The following TMC4 variants were observed in gnomAD, a reference collection of about 807,000 sequenced individuals.
The protein encoded by TMC4 is voltage-gated chloride channel TMC4.
TMC4 carries 70 observed loss-of-function variants against 82.0 expected under a neutral mutation model. The ratio of observed to expected loss-of-function variants is 0.85; its 90% confidence interval spans 0.70 to 1.04. The LOEUF (loss-of-function observed/expected upper bound fraction) is 1.04, where lower values mean the gene tolerates loss of function less well. Among genes scored for constraint, TMC4 ranks in the 50% least tolerant of loss-of-function variants. TMC4 has a pLI of 0.00. For synonymous variants in TMC4, 446 were observed against 406.0 expected (o/e 1.10, Z -1.18); for missense variants, 879 against 899.0 (o/e 0.98, Z 0.28).
chr19:54,162,101 CCTT>C lies in TMC4; in HGVS notation c.1684_1686del (p.Lys562del). On this transcript the variant is annotated inframe_deletion and splice_region_variant, in exon 11 of 15. Coordinates refer to ENST00000619895, the MANE Select transcript of TMC4 (RefSeq NM_144686.4). The stretch of plus-strand genomic sequence containing the variant: ...ACCCAAGGGTCCCCCCTACCCCTTA[CCTT>C]CTTCAGGTAGAAAAGCAGCAGGAAC... 6.2e-7 allele frequency: 1 copy of C among 1,610,508 alleles called. No homozygotes were observed. Among genetic ancestry groups the C allele is most frequent in the Non-Finnish European group, 8.5e-7 (1 of 1,178,222 alleles).
chr19:54,168,793 C>CTTTTCTTTTT lies in TMC4; in HGVS notation c.443-114_443-113insAAAAAGAAAA, dbSNP rs1555824719. Reference sequence around the variant, plus strand: ...TTCCTTTCTTTCTTTCTTTTCTTTTCTTTCTTTTCTTTTCTTTTCTTTTCT... The same window carrying CTTTTCTTTTT: ...TTCCTTTCTTTCTTTCTTTTCTTTTCTTTTCTTTTTTTTCTTTTCTTTTCTTTTCTTTTCT... On this transcript the variant is annotated intron_variant, in intron 3 of 14. Transcript: ENST00000619895. 2 of 90,926 alleles carry CTTTTCTTTTT rather than the reference C, an allele frequency of 2.2e-5. 1 individual carries two copies. Among genetic ancestry groups the CTTTTCTTTTT allele is most frequent in the African/African-American group, 3.7e-4 (2 of 5,360 alleles). The allele number at this position is 90,926 out of a possible 1,614,324, so 5.6% of individuals were successfully genotyped here. A position where few individuals can be genotyped will look rare whatever the true frequency, so the allele number is the denominator to read the frequency against.
Position 54,162,656 on chromosome 19 carries a change from A to G in TMC4, c.1502+17T>C, listed in dbSNP as rs771202076. ...GTCCTAGAGGGGCGGGGCCACAGCAAGGGGCGGGGCTCTCACTTTCTAGGA... is the reference window on the plus strand; with the variant it reads ...GTCCTAGAGGGGCGGGGCCACAGCAGGGGGCGGGGCTCTCACTTTCTAGGA... On this transcript the variant is annotated intron_variant, in intron 10 of 14. Coordinates refer to ENST00000619895, the MANE Select transcript of TMC4 (RefSeq NM_144686.4). 14 of 1,606,352 alleles carry G rather than the reference A, an allele frequency of 8.7e-6. No homozygotes were observed. Among genetic ancestry groups the G allele is most frequent in the Middle Eastern group, 1.8e-4 (1 of 5,654 alleles).
intron 6 of TMC4, 149 bp downstream of exon 6, chr19:54,165,270 C>T: frequency 1.0e-6 from 1 of 961,974 alleles, no homozygotes. Flanking sequence ...TCCTCTCAAC[C>T]TTCTCATTCC....
intron 6 of TMC4, 43 bp downstream of exon 6, chr19:54,165,376 G>T: frequency 6.4e-7 from 1 of 1,557,000 alleles, no homozygotes. Flanking sequence ...GCCCGGTCCT[G>T]TCTGGTCCCT....
chr19:54,164,714 TC>T, intron 6 of TMC4, 113 bp from the exon 7 acceptor site: 1 of 1,390,914 alleles, frequency 7.2e-7, no homozygotes, highest in Non-Finnish European at 9.8e-7. Flanking sequence ...TGCAGCCGTC[TC>T]CCCACCCGCT....
intron 2 of TMC4, 44 bp downstream of exon 2, chr19:54,171,825 GC>G: frequency 4.6e-6 from 7 of 1,511,368 alleles, no homozygotes; most frequent in Non-Finnish European, 4.4e-6. Flanking sequence ...TGGGAGAAGG[GC>G]CCGGTCCGGG....
chr19:54,168,797 CTTTTCTTTTCTTTTCT>C lies in TMC4; in HGVS notation c.443-133_443-118del, dbSNP rs2075777860. 8.7e-5 allele frequency: 4 copies of C among 45,986 alleles called. 2 individuals carry two copies. The African/African-American group carries it at 1.3e-3, about 15-fold the overall frequency. The allele number at this position is 45,986 out of a possible 1,614,324, so 2.8% of individuals were successfully genotyped here. On this transcript the variant is annotated intron_variant, in intron 3 of 14. Coordinates refer to ENST00000619895, the MANE Select transcript of TMC4 (RefSeq NM_144686.4). ...TTTCTTTCTTTCTTTTCTTTTCTTT[CTTTTCTTTTCTTTTCT>C]TTTCTTTTCTTTTCTTTTCTTTTCT...
Position 54,161,226 on chromosome 19 carries a change from C to A in TMC4, c.1721G>T (p.Arg574Leu). 6.4e-7 allele frequency: 1 copy of A among 1,571,164 alleles called. No homozygotes were observed. Among genetic ancestry groups the A allele is most frequent in the South Asian group, 1.2e-5 (1 of 85,110 alleles). Residue 574 changes from arginine (R) to leucine (L), a missense_variant, in exon 12 of 15, where the codon CGC (arginine) becomes CTC (leucine). Physicochemically the swap from Arg to Leu is moderately radical, Grantham distance 102. Coordinates refer to ENST00000619895, the MANE Select transcript of TMC4 (RefSeq NM_144686.4). ...ATTCGCCGCGGAGGCCCGGAAGGTG[C>A]GGGCAGCCGGGGAGCAGGTGGAGAA... ...TLFSTCSPAA[R>L]TFRASAANFF...
chr19:54,165,136 A>G (rs74388372), intron 6 of TMC4, among the ~76,000 whole-genome samples: 2,722 of 146,074 alleles, frequency 0.019, 81 homozygotes, highest in African/African-American at 0.066. Flanking sequence ...TCGAACTCCT[A>G]GACTGAAGCG....
In TMC4 at chr19:54,172,091, G is replaced by A. The variant is rs1478862356; in HGVS notation, c.80-8C>T. 4 of 1,550,418 alleles carry A rather than the reference G, an allele frequency of 2.6e-6. No homozygotes were observed. In the Admixed American group the frequency reaches 5.7e-5, roughly 22 times the overall value. Reference sequence around the variant, plus strand: ...CAGAAGACAGCGATGGGCCTGGGGAGGAGCAGGGGGCTGGGAAGACCCGGG... The same window carrying A: ...CAGAAGACAGCGATGGGCCTGGGGAAGAGCAGGGGGCTGGGAAGACCCGGG... On this transcript the variant is annotated splice_polypyrimidine_tract_variant and splice_region_variant and intron_variant, in intron 1 of 14. Transcript: ENST00000619895.
chr19:54,169,399 T>G (rs971761330), intron 3 of TMC4, 113 bp downstream of exon 3: 1 of 1,395,022 alleles, frequency 7.2e-7, no homozygotes, highest in Non-Finnish European at 9.5e-7. Context: ...GACCCAAAAA[T>G]CCAGGCCCAA....
rs760113087 is a variant in TMC4, at chr19:54,173,100, G to T, written c.18C>A (p.Thr6=). 1.3e-6 allele frequency: 2 copies of T among 1,580,992 alleles called. No individual in the cohort carries two copies. The highest frequency in any genetic ancestry group is 2.3e-5 in the East Asian group (1 of 43,438). ...AGGAGCCCCAGGCTTCTGATTCCAA[G>T]GTCGGGTTTTCTTCCATGGCCCCAG... MEENP[T]LESEAWGSSR... The change falls in exon 1 of 15, where the codon ACC becomes ACA. Residue 6 remains threonine, a synonymous_variant. Transcript: ENST00000619895.
rs867453701 is a variant in TMC4 at position 54,168,592 on chromosome 19, G to A, written c.531C>T (p.Cys177=). 1.9e-6 allele frequency: 3 copies of A among 1,593,816 alleles called. No homozygotes were observed. Among genetic ancestry groups the A allele is most frequent in the South Asian group, 2.3e-5 (2 of 87,748 alleles). The change falls in exon 4 of 15, where the codon TGC becomes TGT. Residue 177 remains cysteine (C), a synonymous_variant. Coordinates refer to ENST00000619895, the MANE Select transcript of TMC4 (RefSeq NM_144686.4). ...CCAACCAGGTGGGCAGCAGCGTCAT[G>A]CAGGCCATGAGCACAGAGGCCAGCA... ...LNVLASVLMA[C]MTLLPTWLGG... is the part of the protein sequence containing the mutation.
chr19:54,172,821 C>A lies in TMC4; in HGVS notation c.79+218G>T, dbSNP rs762784897. On this transcript the variant is annotated intron_variant, in intron 1 of 14. Coordinates refer to ENST00000619895, the MANE Select transcript of TMC4 (RefSeq NM_144686.4). Reference sequence around the variant, plus strand: ...ACACCCAAACTCCCAGCCCTTAGCCCTCCCCTCCTCCCAGACTAGCCTGGT... The same window carrying A: ...ACACCCAAACTCCCAGCCCTTAGCCATCCCCTCCTCCCAGACTAGCCTGGT... 47 of 526,752 alleles carry A rather than the reference C, an allele frequency of 8.9e-5. 1 individual carries two copies. Among genetic ancestry groups the A allele is most frequent in the Non-Finnish European group, 1.3e-4 (40 of 297,842 alleles). 32.6% of individuals were successfully genotyped at this position (526,752 alleles called of 1,614,324 possible).
chr19:54,168,715 T>G, intron 3 of TMC4, 35 bp from the exon 4 acceptor site: 1 of 1,410,152 alleles, frequency 7.1e-7, no homozygotes, highest in Non-Finnish European at 9.3e-7. Context: ...TCAGGTTCCT[T>G]CCCGGGAGCA....
Position 54,164,521 on chromosome 19 carries a change from C to T in TMC4, c.1026G>A (p.Arg342=). The change falls in exon 7 of 15, where the codon CGG becomes CGA. Residue 342 remains arginine (R), a synonymous_variant. Coordinates refer to ENST00000619895, the MANE Select transcript of TMC4 (RefSeq NM_144686.4). ...LGQQARVWLV[R]VLLNLLVVAL... is the part of the protein sequence containing the mutation. The stretch of plus-strand genomic sequence containing the variant: ...CGACCACCAGCAGGTTGAGCAGCAC[C>T]CGCACCAACCAAACCCTGGCTTGCT... The T allele has an allele frequency of 1.2e-6, 2 of 1,613,894 alleles. No homozygotes were observed. Among genetic ancestry groups the T allele is most frequent in the Non-Finnish European group, 1.7e-6 (2 of 1,179,996 alleles).
At position 54,168,779 on chromosome 19, in the gene TMC4, CTTTCT is replaced by C. The variant is rs145368395; in HGVS notation, c.443-104_443-100del. On this transcript the variant is annotated intron_variant, in intron 3 of 14. Coordinates refer to ENST00000619895, the MANE Select transcript of TMC4 (RefSeq NM_144686.4). ...GGTCCAGCCGCGCCTTCCTTTCTTT[CTTTCT>C]TTTCTTTTCTTTCTTTTCTTTTCTT... 432 of 343,536 alleles carry C rather than the reference CTTTCT, an allele frequency of 1.3e-3. 39 individuals carry two copies. Among genetic ancestry groups the C allele is most frequent in the African/African-American group, 2.3e-3 (59 of 25,588 alleles). 21.3% of individuals were successfully genotyped at this position (343,536 alleles called of 1,614,324 possible). A position where few individuals can be genotyped will look rare whatever the true frequency, so the allele number is the denominator to read the frequency against.
chr19:54,162,705 C>G lies in TMC4; in HGVS notation c.1470G>C (p.Leu490Phe), dbSNP rs779729632. The G allele has an allele frequency of 1.2e-6, 2 of 1,614,000 alleles. No individual in the cohort carries two copies. The highest frequency in any genetic ancestry group is 2.2e-5 in the East Asian group (1 of 44,858). Residue 490 changes from leucine to phenylalanine, a missense_variant, in exon 10 of 15, where the codon TTG (leucine) becomes TTC (phenylalanine). By Grantham distance (22) the Leu-to-Phe change is conservative. Coordinates refer to ENST00000619895, the MANE Select transcript of TMC4 (RefSeq NM_144686.4). ...KLLLFDLLTV[L>F]AVALLIQFPR... Reference sequence around the variant, plus strand: ...GAAACTGGATGAGCAGCGCGACTGCCAAGACAGTCAGCAGATCAAAGAGCA... The same window carrying G: ...GAAACTGGATGAGCAGCGCGACTGCGAAGACAGTCAGCAGATCAAAGAGCA...
At chr19:54,172,992 C>G (rs369028375) in intron 1 of TMC4, 47 bp downstream of exon 1, 2 of 1,566,694 alleles carry the variant, frequency 1.3e-6, no homozygotes, top group African/African-American at 1.4e-5. Context: ...GGACTCCCAC[C>G]TAGCCTGAAG....
Sources: gnomAD v4.1 joint callset for allele counts (sites outside exome capture counted in the v4.1 genomes callset) on GRCh38, gnomAD v4.1.1 for gene constraint, MANE v1.5 for transcripts, NCBI Gene and HGNC (gene_info 2026-07-23, HGNC 2026-07-21) for gene names.